CCNYL1: variants seen among roughly 807,000 people sequenced by gnomAD.
The protein encoded by CCNYL1 is cyclin-Y-like protein 1.
CCNYL1 carries 16 observed loss-of-function variants against 44.2 expected under a neutral mutation model. The observed-to-expected ratio is 0.36, with a 90% CI of 0.25 to 0.55. The LOEUF is 0.55. CCNYL1 is among the 20% of genes least tolerant of loss of function. The probability of loss-of-function intolerance (pLI) is 0.85; values close to 1 mark genes in which losing one functional copy is unlikely to be tolerated. For synonymous variants in CCNYL1, 159 were observed against 163.2 expected, an observed-to-expected ratio of 0.97 and a Z score of 0.20; for missense variants, 348 against 451.8, an observed-to-expected ratio of 0.77 and a Z score of 2.08.
rs1350831148 is a variant in CCNYL1 at position 207,754,972 on chromosome 2, TC to T, written c.*1275del. ...GCTGAGGCTGGAGGATTGCTTGAGG[TC>T]AAGTATTGGAGGCTGCAGTGTACCA... On this transcript the variant is annotated 3_prime_UTR_variant, in exon 10 of 10. Transcript: ENST00000295414. 2.0e-5 allele frequency: 3 copies of T among 151,860 alleles called. No homozygotes were observed. Among genetic ancestry groups the T allele is most frequent in the African/African-American group, 7.3e-5 (3 of 41,328 alleles). 9.4% of individuals were successfully genotyped at this position (151,860 alleles called of 1,614,324 possible).
chr2:207,750,708 G>T, intron 8 of CCNYL1: 6 of 376,048 alleles, frequency 1.6e-5, no homozygotes, highest in South Asian at 5.8e-5. Context: ...AATGAGGCCC[G>T]AGTCAGCAGC....
intron 1 of CCNYL1, among the ~76,000 whole-genome samples, chr2:207,719,809 G>C (rs943853944): frequency 2.6e-5 from 4 of 151,870 alleles, no homozygotes; most frequent in Non-Finnish European, 4.4e-5. Context: ...GCTCACTGCA[G>C]CCTCCACTTC....
chr2:207,733,036 A>G (rs1426144492), intron 3 of CCNYL1, among the ~76,000 whole-genome samples: 1 of 152,196 alleles, frequency 6.6e-6, no homozygotes, highest in Non-Finnish European at 1.5e-5. Flanking sequence ...AGTTGGTATC[A>G]TGTAACAAGT....
At chr2:207,712,735 T>G (rs2091561271) in intron 1 of CCNYL1, among the ~76,000 whole-genome samples, 1 of 152,114 alleles carries the variant, frequency 6.6e-6, no homozygotes, top group Admixed American at 6.5e-5. Flanking sequence ...AACTATAATT[T>G]GAACACAGAA....
At chr2:207,723,373 C>T (rs954549402) in intron 1 of CCNYL1, among the ~76,000 whole-genome samples, 13 of 152,178 alleles carry the variant, frequency 8.5e-5, no homozygotes, top group African/African-American at 2.7e-4. Context: ...ACAGTAATCA[C>T]TACTAGACTG....
rs572510122 is a variant in CCNYL1 at position 207,737,624 on chromosome 2, A to T, written c.467+178A>T. On this transcript the variant is annotated intron_variant, in intron 5 of 9. Transcript: ENST00000295414. ...GGTTTCAATTATTAAATTACTGAGG[A>T]TCCCAAAGAGTATTTGTTTATGTTG... Among the ~76,000 whole-genome samples the T allele has an allele frequency of 2.6e-5, 4 of 152,234 alleles. No individual in the cohort carries two copies. The East Asian group carries it at 7.7e-4, about 29-fold the overall frequency.
At chr2:207,748,135 G>A (rs2091867766) in intron 8 of CCNYL1, among the ~76,000 whole-genome samples, 1 of 152,164 alleles carries the variant, frequency 6.6e-6, no homozygotes, top group South Asian at 2.1e-4. Flanking sequence ...TTTTACAGAA[G>A]CCTTGAGATA....
At chr2:207,736,832 G>C (rs964908536) in intron 4 of CCNYL1, among the ~76,000 whole-genome samples, 2 of 151,948 alleles carry the variant, frequency 1.3e-5, no homozygotes, top group Non-Finnish European at 2.9e-5. Flanking sequence ...AAGGTTCTAT[G>C]GGCAGAAGAG....
chr2:207,717,173 T>C (rs1005013222), intron 1 of CCNYL1, among the ~76,000 whole-genome samples: 3 of 152,146 alleles, frequency 2.0e-5, no homozygotes, highest in East Asian at 1.9e-4. Context: ...CCCTGGACTT[T>C]AGAATTCATC....
At chr2:207,747,836 G>T (rs915806628) in intron 8 of CCNYL1, among the ~76,000 whole-genome samples, 1 of 152,196 alleles carries the variant, frequency 6.6e-6, no homozygotes, top group African/African-American at 2.4e-5. Flanking sequence ...GGGATTACAG[G>T]CATGAACCAC....
At chr2:207,739,928 A>G (rs1036803952) in intron 5 of CCNYL1, among the ~76,000 whole-genome samples, 18 of 152,190 alleles carry the variant, frequency 1.2e-4, no homozygotes, top group Non-Finnish European at 2.2e-4. Flanking sequence ...AAAGCAAGCA[A>G]TACCTTAGTA....
chr2:207,742,615 C>A (rs2091819912), intron 7 of CCNYL1, among the ~76,000 whole-genome samples: 1 of 152,126 alleles, frequency 6.6e-6, no homozygotes, highest in Admixed American at 6.5e-5. Flanking sequence ...TGTACACATT[C>A]AGTGTGTACA....
intron 4 of CCNYL1, 146 bp from the exon 5 acceptor site, chr2:207,737,265 G>GGGAAA (rs1188984782): frequency 4.6e-6 from 3 of 646,276 alleles, no homozygotes; most frequent in Admixed American, 3.2e-5. Flanking sequence ...CTAAAACAAG[G>GGGAAA]GGAAAGTACC....
In CCNYL1 at chr2:207,711,876, A is replaced by G. The variant is rs770747429; in HGVS notation, c.-21A>G. On this transcript the variant is annotated 5_prime_UTR_variant, in exon 1 of 10. Transcript: ENST00000295414. ...GTAGGGGGCGAGCGAAGGCGGTGGC[A>G]GAGAGGAGCGGAGGCTTCCCATGGG... 1.1e-5 allele frequency: 15 copies of G among 1,359,784 alleles called. No homozygotes were observed. The highest frequency in any genetic ancestry group is 1.3e-5 in the Non-Finnish European group (14 of 1,050,566). 84.2% of individuals were successfully genotyped at this position (1,359,784 alleles called of 1,614,324 possible). A position where few individuals can be genotyped will look rare whatever the true frequency, so the allele number is the denominator to read the frequency against.
At chr2:207,752,607 AT>A (rs1160852994) in intron 9 of CCNYL1, among the ~76,000 whole-genome samples, 1 of 152,194 alleles carries the variant, frequency 6.6e-6, no homozygotes, top group African/African-American at 2.4e-5. Flanking sequence ...GGGCAAAGTA[AT>A]ATTTATGGCT....
chr2:207,743,763 C>T (rs561168233), intron 7 of CCNYL1, among the ~76,000 whole-genome samples: 1 of 152,326 alleles, frequency 6.6e-6, no homozygotes, highest in East Asian at 1.9e-4. Flanking sequence ...GTTTCTGATT[C>T]TGTAAATATT....
chr2:207,742,432 A>T (rs1172503963), intron 7 of CCNYL1, 90 bp downstream of exon 7: 3 of 1,208,272 alleles, frequency 2.5e-6, no homozygotes, highest in Non-Finnish European at 3.4e-6. Flanking sequence ...TAGGTTCCTG[A>T]AATTATCATC....
chr2:207,736,566 G>C (rs2091765758), intron 4 of CCNYL1, among the ~76,000 whole-genome samples: 1 of 152,100 alleles, frequency 6.6e-6, no homozygotes, highest in African/African-American at 2.4e-5. Flanking sequence ...ACCTATCATT[G>C]GTTTTGTGTG....
At chr2:207,740,526 A>C (rs1303009533) in intron 5 of CCNYL1, 129 bp from the exon 6 acceptor site, 5 of 679,704 alleles carry the variant, frequency 7.4e-6, no homozygotes, top group Non-Finnish European at 1.3e-5. Flanking sequence ...GAATTTGTAC[A>C]ACTCTTTGCT....
Sources: allele counts gnomAD v4.1 joint callset (sites outside exome capture counted in the v4.1 genomes callset), GRCh38; gene constraint gnomAD v4.1.1; transcripts MANE v1.5; gene names NCBI Gene and HGNC (gene_info 2026-07-23, HGNC 2026-07-21).